Variants in TMEM106B observed in about 807,000 individuals in gnomAD.
The protein encoded by TMEM106B is transmembrane protein 106B.
In TMEM106B, 15 loss-of-function variants were observed where a neutral mutation model predicts 31.1. The ratio of observed to expected loss-of-function variants is 0.48; its 90% confidence interval spans 0.32 to 0.74. The LOEUF (loss-of-function observed/expected upper bound fraction) is 0.74, where lower values mean the gene tolerates loss of function less well. Among genes scored for constraint, TMEM106B ranks in the 30% least tolerant of loss-of-function variants. TMEM106B has a pLI of 0.03. For synonymous variants in TMEM106B, 126 were observed against 112.5 expected (o/e 1.12, Z -0.76); for missense variants, 283 against 327.3 (o/e 0.86, Z 1.04).
chr7:12,231,186 A>T (rs947253208), intron 7 of TMEM106B, 71 bp downstream of exon 7: 3 of 1,196,668 alleles, frequency 2.5e-6, no homozygotes, highest in Non-Finnish European at 2.4e-6. Flanking sequence ...GGCTTATAAT[A>T]TACACAACAT....
rs1385897927 is a variant in TMEM106B at position 12,232,041 on chromosome 7, G to A, written c.*66G>A. On this transcript the variant is annotated 3_prime_UTR_variant, in exon 8 of 8. Transcript: ENST00000396668. ...TATTTCCTATACTCTCAATGAAGAG[G>A]TATTTCCTAATAGGAGACCTTAAAT... The A allele has an allele frequency of 1.3e-6, 2 of 1,483,642 alleles. No individual in the cohort carries two copies. The highest frequency in any genetic ancestry group is 1.3e-5 in the South Asian group (1 of 76,724). The allele number at this position is 1,483,642 out of a possible 1,614,324, so 91.9% of individuals were successfully genotyped here.
chr7:12,213,967 G>A (rs1781632706), intron 1 of TMEM106B, among the ~76,000 whole-genome samples: 1 of 152,132 alleles, frequency 6.6e-6, no homozygotes. Context: ...TGGAATTCAG[G>A]CACAACTGAC....
chr7:12,222,960 A>G (rs925757934), intron 3 of TMEM106B, among the ~76,000 whole-genome samples: 4 of 152,226 alleles, frequency 2.6e-5, no homozygotes, highest in Non-Finnish European at 5.9e-5. Flanking sequence ...AGTGGAAGAA[A>G]CAATAAAATG....
chr7:12,221,087 A>ATGTGT (rs1554308776), intron 3 of TMEM106B, among the ~76,000 whole-genome samples: 3 of 149,952 alleles, frequency 2.0e-5, no homozygotes, highest in Admixed American at 1.3e-4. Flanking sequence ...AAGCAAGTAA[A>ATGTGT]GTGTGTGTGT....
intron 1 of TMEM106B, among the ~76,000 whole-genome samples, chr7:12,214,037 A>G (rs1379454591): frequency 6.6e-6 from 1 of 152,178 alleles, no homozygotes; most frequent in Non-Finnish European, 1.5e-5. Flanking sequence ...GCAATAAGAT[A>G]TCAAATCCCA....
At chr7:12,212,566 CTGTT>C (rs1158521040) in intron 1 of TMEM106B, among the ~76,000 whole-genome samples, 1 of 149,220 alleles carries the variant, frequency 6.7e-6, no homozygotes, top group East Asian at 2.0e-4. Context: ...TTTTTAAATT[CTGTT>C]TATTTGAGTG....
In TMEM106B at chr7:12,238,961, G is replaced by C. The variant is rs1358721496; in HGVS notation, c.*6986G>C. The C allele has an allele frequency of 6.6e-6, 1 of 152,126 alleles. No homozygotes were observed. Among genetic ancestry groups the C allele is most frequent in the Non-Finnish European group, 1.5e-5 (1 of 68,008 alleles). The allele number at this position is 152,126 out of a possible 1,614,324, so 9.4% of individuals were successfully genotyped here. On this transcript the variant is annotated 3_prime_UTR_variant, in exon 8 of 8. Transcript: ENST00000396668. ...CACCAGCTACATTCACCACTAAAGA[G>C]AGTCAGCCTGTCCTTTAAAGCTTTA... is the stretch of plus-strand genomic sequence containing the variant.
chr7:12,225,285 G>C (rs541789977), intron 4 of TMEM106B, among the ~76,000 whole-genome samples: 1 of 152,268 alleles, frequency 6.6e-6, no homozygotes, highest in African/African-American at 2.4e-5. Flanking sequence ...CATTTCGGTT[G>C]TTTCCAAGTC....
chr7:12,215,952 G>C (rs1341862592), intron 2 of TMEM106B: 1 of 153,188 alleles, frequency 6.5e-6, no homozygotes, highest in East Asian at 1.9e-4. Flanking sequence ...ACTTTATGCT[G>C]TTCTCATTAT....
In TMEM106B at chr7:12,214,873, C is replaced by T; in HGVS notation, c.63C>T (p.Val21=). The T allele has an allele frequency of 6.2e-7, 1 of 1,613,806 alleles. No homozygotes were observed. The highest frequency in any genetic ancestry group is 8.5e-7 in the Non-Finnish European group (1 of 1,179,854). Residue 21 remains valine, a synonymous_variant, in exon 2 of 8, where the codon GTC becomes GTT. Coordinates refer to ENST00000396668, the MANE Select transcript of TMEM106B (RefSeq NM_001134232.2). ...GCAAAGAAGATGCTTATGATGGAGT[C>T]ACATCTGAAAACATGAGGAATGGAC... The part of the protein sequence containing the change: ...HSSKEDAYDG[V]TSENMRNGLV...
intron 3 of TMEM106B, 38 bp downstream of exon 3, chr7:12,218,559 TA>T: frequency 1.3e-6 from 2 of 1,554,210 alleles, no homozygotes; most frequent in Non-Finnish European, 1.7e-6. Flanking sequence ...TTTTATGTTT[TA>T]TTTTTGTTTT....
chr7:12,223,659 G>T (rs1279253318), intron 3 of TMEM106B, among the ~76,000 whole-genome samples: 2 of 151,246 alleles, frequency 1.3e-5, no homozygotes, highest in African/African-American at 2.4e-5. Context: ...TGCTCTGGCA[G>T]TCAAAAAAGT....
At position 12,230,399 on chromosome 7, in the gene TMEM106B, C is replaced by T. The variant is rs769191545; in HGVS notation, c.593C>T (p.Thr198Ile). Residue 198 changes from threonine (T) to isoleucine (I), a missense_variant, in exon 6 of 8, where the codon ACA becomes ATA. Physicochemically the swap from Thr to Ile is moderately conservative, Grantham distance 89. Around this residue, in one of 3 missense-constraint regions of TMEM106B, gnomAD observed 201 missense variants for 211.5 expected, o/e 0.95. Coordinates refer to ENST00000396668, the MANE Select transcript of TMEM106B (RefSeq NM_001134232.2). ...GPLDMKQIDYTVPTVIAEEMS... is the reference protein window; with the variant it reads ...GPLDMKQIDYIVPTVIAEEMS... ...CCTTTTGCCTTTCAGATTGATTACA[C>T]AGTACCTACCGTTATAGCAGAGGAA... The T allele has an allele frequency of 5.0e-6, 8 of 1,602,870 alleles. No individual in the cohort carries two copies. Among genetic ancestry groups the T allele is most frequent in the Non-Finnish European group, 6.8e-6 (8 of 1,171,990 alleles).
Position 12,235,665 on chromosome 7 carries a change from C to A in TMEM106B, c.*3690C>A, listed in dbSNP as rs967517234. ...AGGGCATGTGCCCAACTCTCCCGCACCCCATTTTGTTTGTCTTTTAAAGTT... is the reference window on the plus strand; with the variant it reads ...AGGGCATGTGCCCAACTCTCCCGCAACCCATTTTGTTTGTCTTTTAAAGTT... On this transcript the variant is annotated 3_prime_UTR_variant, in exon 8 of 8. Coordinates refer to ENST00000396668, the MANE Select transcript of TMEM106B (RefSeq NM_001134232.2). 5.9e-5 allele frequency: 9 copies of A among 151,794 alleles called. No individual in the cohort carries two copies. The highest frequency in any genetic ancestry group is 2.2e-4 in the African/African-American group (9 of 41,396). 9.4% of individuals were successfully genotyped at this position (151,794 alleles called of 1,614,324 possible). A position where few individuals can be genotyped will look rare whatever the true frequency, so the allele number is the denominator to read the frequency against.
chr7:12,238,540 C>T lies in TMEM106B; in HGVS notation c.*6565C>T, dbSNP rs181824546. 566 of 152,304 alleles carry T rather than the reference C, an allele frequency of 3.7e-3. 3 individuals carry two copies. The highest frequency in any genetic ancestry group is 5.9e-3 in the Non-Finnish European group (400 of 68,108). 9.4% of individuals were successfully genotyped at this position (152,304 alleles called of 1,614,324 possible). A position where few individuals can be genotyped will look rare whatever the true frequency, so the allele number is the denominator to read the frequency against. Reference sequence around the variant, plus strand: ...TTCTGGAAGGTTTCAATTTACTTTGCCCAGATCCATCAGAGGAATCACTAC... The same window carrying T: ...TTCTGGAAGGTTTCAATTTACTTTGTCCAGATCCATCAGAGGAATCACTAC... On this transcript the variant is annotated 3_prime_UTR_variant, in exon 8 of 8. Coordinates refer to ENST00000396668, the MANE Select transcript of TMEM106B (RefSeq NM_001134232.2).
intron 2 of TMEM106B, chr7:12,215,638 G>A (rs529589634): frequency 2.8e-5 from 11 of 390,430 alleles, no homozygotes; most frequent in African/African-American, 4.2e-5. Context: ...GGATGATGTC[G>A]AATTCTTGGG....
Position 12,218,330 on chromosome 7 carries a change from G to A in TMEM106B, c.218-128G>A, listed in dbSNP as rs970430459. 1.0e-5 allele frequency: 6 copies of A among 600,286 alleles called. No homozygotes were observed. In the South Asian group the frequency reaches 1.8e-4, roughly 18 times the overall value. The allele number at this position is 600,286 out of a possible 1,614,324, so 37.2% of individuals were successfully genotyped here. ...CTGCTGGATACTTTCTGAAGACTTA[G>A]CAATTTACTAAAGGAAAGAGATGAG... On this transcript the variant is annotated intron_variant, in intron 2 of 7. Transcript: ENST00000396668.
intron 6 of TMEM106B, chr7:12,230,707 CTTG>C (rs1209016497): frequency 6.3e-6 from 2 of 318,296 alleles, no homozygotes; most frequent in Non-Finnish European, 1.1e-5. Context: ...CTGTGTTAAA[CTTG>C]TTACTATGTT....
intron 1 of TMEM106B, 50 bp from the exon 2 acceptor site, chr7:12,214,758 GA>G: frequency 7.2e-7 from 1 of 1,388,046 alleles, no homozygotes; most frequent in Non-Finnish European, 9.8e-7. Flanking sequence ...GAGTGTTCTT[GA>G]ATGTACTTTT....
Sources: gnomAD v4.1 joint callset for allele counts (sites outside exome capture counted in the v4.1 genomes callset) on GRCh38, gnomAD v4.1.1 for gene constraint, gnomAD v4.1.1 regional missense constraint, MANE v1.5 for transcripts, NCBI Gene and HGNC (gene_info 2026-07-23, HGNC 2026-07-21) for gene names.